The following MAST3 variants were observed in gnomAD, a reference collection of about 807,000 sequenced individuals.
MAST3 encodes the protein microtubule associated serine/threonine kinase 3, also known as microtubule-associated serine/threonine-protein kinase 3.
A neutral mutation model predicts 127.0 loss-of-function variants in MAST3; 43 were observed. That is an observed-to-expected ratio of 0.34 (90% confidence interval 0.27 to 0.44). The LOEUF (loss-of-function observed/expected upper bound fraction) is 0.44. Among genes scored for constraint, MAST3 ranks in the 20% least tolerant of loss-of-function variants. The pLI is 1.00. For synonymous variants in MAST3, 785 were observed against 809.2 expected, an observed-to-expected ratio of 0.97 and a Z score of 0.51; for missense variants, 1,390 against 1,919.1, an observed-to-expected ratio of 0.72 and a Z score of 5.15.
rs909723933 is a variant in MAST3 at position 18,149,541 on chromosome 19, G to A, written c.3859G>A (p.Val1287Met). The A allele has an allele frequency of 2.6e-6, 4 of 1,566,788 alleles. No individual in the cohort carries two copies. Among genetic ancestry groups the A allele is most frequent in the Admixed American group, 1.9e-5 (1 of 52,210 alleles). The change falls in exon 28 of 28, where the codon GTG becomes ATG. Residue 1287 changes from valine to methionine, a missense_variant. Around this residue, in one of 5 missense-constraint regions of MAST3, gnomAD observed 816 missense variants for 934.1 expected, o/e 0.87. Coordinates refer to ENST00000687212, the MANE Select transcript of MAST3 (RefSeq NM_001393504.1). The surrounding 1 kb of genome is among the most constrained non-coding windows in gnomAD (Gnocchi z 5.9). ...RRTRGPEAEL[V>M]VMRRLHLSER... ...CACTCGTGGGCCAGAGGCCGAGCTCGTGGTCATGCGGCGGCTGCACCTGTC... is the reference window on the plus strand; with the variant it reads ...CACTCGTGGGCCAGAGGCCGAGCTCATGGTCATGCGGCGGCTGCACCTGTC...
chr19:18,151,132 A>G lies in MAST3; in HGVS notation c.*1406A>G, dbSNP rs919315676. 11 of 152,276 alleles carry G rather than the reference A, an allele frequency of 7.2e-5. No homozygotes were observed. The highest frequency in any genetic ancestry group is 1.2e-4 in the Non-Finnish European group (8 of 68,052). 9.4% of individuals were successfully genotyped at this position (152,276 alleles called of 1,614,324 possible). A position where few individuals can be genotyped will look rare whatever the true frequency, so the allele number is the denominator to read the frequency against. On this transcript the variant is annotated 3_prime_UTR_variant, in exon 28 of 28. Coordinates refer to ENST00000687212, the MANE Select transcript of MAST3 (RefSeq NM_001393504.1). ...AGCCAGAAAACCCAGTCGAGGCTCA[A>G]GTTTGAATTTCAGCTTCACTGTGTG...
intron 1 of MAST3, among the ~76,000 whole-genome samples, chr19:18,101,736 CG>C (rs2037640417): frequency 6.6e-6 from 1 of 150,908 alleles, no homozygotes; most frequent in South Asian, 2.1e-4. Context: ...CTGCAGGCTC[CG>C]TCACCTGGAT....
At chr19:18,128,024 C>T (rs549615146) in intron 11 of MAST3, among the ~76,000 whole-genome samples, 7 of 152,290 alleles carry the variant, frequency 4.6e-5, no homozygotes, top group African/African-American at 1.7e-4. Context: ...GGGGCTGCCC[C>T]TCTGCCAAGG....
Position 18,146,943 on chromosome 19 carries a change from C to G in MAST3, c.3225C>G (p.Pro1075=). The G allele has an allele frequency of 4.5e-6, 7 of 1,559,132 alleles. No homozygotes were observed. Among genetic ancestry groups the G allele is most frequent in the Non-Finnish European group, 6.1e-6 (7 of 1,151,476 alleles). The change falls in exon 26 of 28, where the codon CCC becomes CCG. Residue 1075 remains proline (P), a synonymous_variant. Transcript: ENST00000687212. The stretch of plus-strand genomic sequence containing the variant: ...AGAACACCTCCATCAAGGTGGGCCC[C>G]GCCCGGAAGAATGTGGCCAAGGGCC... ...ALENTSIKVG[P]ARKNVAKGRM... is the part of the protein sequence containing the mutation.
At position 18,145,648 on chromosome 19, in the gene MAST3, C is replaced by T; in HGVS notation, c.3040-95C>T. 7 of 1,383,640 alleles carry T rather than the reference C, an allele frequency of 5.1e-6. No individual in the cohort carries two copies. In the South Asian group the frequency reaches 1.1e-4, roughly 21 times the overall value. 85.7% of individuals were successfully genotyped at this position (1,383,640 alleles called of 1,614,324 possible). A position where few individuals can be genotyped will look rare whatever the true frequency, so the allele number is the denominator to read the frequency against. ...GAAACTGAGACAGCACAAGAGGCAGCAGCTTGCTGGGGTCCCACAGCAGAC... is the reference window on the plus strand; with the variant it reads ...GAAACTGAGACAGCACAAGAGGCAGTAGCTTGCTGGGGTCCCACAGCAGAC... On this transcript the variant is annotated intron_variant, in intron 24 of 27. Transcript: ENST00000687212. This position sits in a 1 kb window ranked among gnomAD's most constrained non-coding sequence, Gnocchi z 5.9.
intron 6 of MAST3, 149 bp from the exon 7 acceptor site, chr19:18,123,068 T>G: frequency 1.2e-6 from 1 of 858,772 alleles, no homozygotes; most frequent in Non-Finnish European, 1.9e-6. Context: ...AGAGCTAGGG[T>G]TTTGAGGGAT....
rs377701443 is a variant in MAST3 at position 18,123,364 on chromosome 19, C to T, written c.547C>T (p.Arg183Cys). Residue 183 changes from arginine to cysteine, a missense_variant, in exon 7 of 28, where the codon CGC becomes TGC. Around this residue, in one of 5 missense-constraint regions of MAST3, gnomAD observed 277 missense variants for 384.8 expected, o/e 0.72. Coordinates refer to ENST00000687212, the MANE Select transcript of MAST3 (RefSeq NM_001393504.1). ...GRSPRLRPRS[R>C]SLSPGRATGT... ...GTCACCCCGCCTCCGACCCCGCTCT[C>T]GCAGTCTCAGGTGGGCCGCGACCTC... 1.4e-5 allele frequency: 23 copies of T among 1,611,894 alleles called. No individual in the cohort carries two copies. The highest frequency in any genetic ancestry group is 1.9e-5 in the Non-Finnish European group (22 of 1,179,516).
chr19:18,145,945 G>C lies in MAST3; in HGVS notation c.3162+80G>C. On this transcript the variant is annotated intron_variant, in intron 25 of 27. Coordinates refer to ENST00000687212, the MANE Select transcript of MAST3 (RefSeq NM_001393504.1). The surrounding 1 kb of genome is among the most constrained non-coding windows in gnomAD (Gnocchi z 5.9). ...CTCCCGGTTCCCCGTGGTTCTCCGC[G>C]TCCAGACACACAACCCCACATTCAA... 2.7e-6 allele frequency: 4 copies of C among 1,463,700 alleles called. No homozygotes were observed. In the South Asian group the frequency reaches 5.4e-5, roughly 20 times the overall value. The allele number at this position is 1,463,700 out of a possible 1,614,324, so 90.7% of individuals were successfully genotyped here.
intron 1 of MAST3, among the ~76,000 whole-genome samples, chr19:18,100,826 G>A (rs1599639905): frequency 6.6e-6 from 1 of 152,256 alleles, no homozygotes; most frequent in East Asian, 1.9e-4. Context: ...TCGCTGATGC[G>A]AGCCAATCAG....
At chr19:18,147,647 C>T (rs774703309) in intron 27 of MAST3, 23 bp downstream of exon 27, 3 of 1,486,544 alleles carry the variant, frequency 2.0e-6, no homozygotes, top group African/African-American at 2.8e-5. Flanking sequence ...CGACCCCCCA[C>T]CACCCCGGCT....
intron 3 of MAST3, chr19:18,117,960 G>GC (rs2039475033): frequency 8.8e-6 from 2 of 227,820 alleles, no homozygotes; most frequent in African/African-American, 4.7e-5. Context: ...GACAGGCCCC[G>GC]CCCCCAACGG....
At chr19:18,099,532 G>A (rs1385824137) in intron 1 of MAST3, among the ~76,000 whole-genome samples, 1 of 152,164 alleles carries the variant, frequency 6.6e-6, no homozygotes, top group African/African-American at 2.4e-5. Context: ...CTGATGGTAA[G>A]TTCTATGTTA....
chr19:18,140,445 C>G (rs1422958196), intron 20 of MAST3, among the ~76,000 whole-genome samples: 1 of 152,142 alleles, frequency 6.6e-6, no homozygotes, highest in Non-Finnish European at 1.5e-5. Flanking sequence ...TGTTGTGCAA[C>G]CATCACCTCT....
In MAST3 at chr19:18,130,603, C is replaced by T. The variant is rs2041170939; in HGVS notation, c.1333C>T (p.Arg445Cys). 1.9e-6 allele frequency: 3 copies of T among 1,613,742 alleles called. No homozygotes were observed. The highest frequency in any genetic ancestry group is 2.5e-6 in the Non-Finnish European group (3 of 1,179,864). ...RNQIQQVFVE[R>C]DILTFAENPF... ...CCAGATCCAGCAGGTCTTTGTGGAG[C>T]GTGACATTCTCACCTTTGCCGAGAA... Residue 445 changes from arginine (R) to cysteine (C), a missense_variant, in exon 14 of 28, where the codon CGT becomes TGT. By Grantham distance (180) the Arg-to-Cys change is radical. Coordinates refer to ENST00000687212, the MANE Select transcript of MAST3 (RefSeq NM_001393504.1).
intron 2 of MAST3, 114 bp downstream of exon 2, chr19:18,107,732 A>C: frequency 2.4e-3 from 2,698 of 1,116,128 alleles, no homozygotes; most frequent in Non-Finnish European, 3.2e-3. Flanking sequence ...AACACATCTC[A>C]TGTTCATTCT....
intron 1 of MAST3, among the ~76,000 whole-genome samples, chr19:18,107,252 C>T (rs1050716179): frequency 6.6e-6 from 1 of 152,170 alleles, no homozygotes; most frequent in African/African-American, 2.4e-5. Context: ...TGTGAGCCAC[C>T]GTGCCCAGCC....
chr19:18,127,528 A>G (rs2040795991), intron 11 of MAST3, among the ~76,000 whole-genome samples: 1 of 152,124 alleles, frequency 6.6e-6, no homozygotes, highest in Non-Finnish European at 1.5e-5. Context: ...TACTAAAAAT[A>G]CAAAAGTTAG....
chr19:18,148,396 A>G (rs190107376), intron 27 of MAST3, among the ~76,000 whole-genome samples: 34 of 152,244 alleles, frequency 2.2e-4, no homozygotes, highest in African/African-American at 7.7e-4. Context: ...CAGGAGGTCA[A>G]GGCTGCAGTG....
rs773608907 is a variant in MAST3, at chr19:18,134,721, C to T, written c.1704+10C>T. 6.2e-6 allele frequency: 10 copies of T among 1,612,898 alleles called. No individual in the cohort carries two copies. In the East Asian group the frequency reaches 2.0e-4, roughly 32 times the overall value. ...GTTCATCGACAAGCAGGTGGGCGGGCAGGTGGGTGGGCAGCCCCGGGATGC... is the reference window on the plus strand; with the variant it reads ...GTTCATCGACAAGCAGGTGGGCGGGTAGGTGGGTGGGCAGCCCCGGGATGC... On this transcript the variant is annotated intron_variant, in intron 16 of 27. Coordinates refer to ENST00000687212, the MANE Select transcript of MAST3 (RefSeq NM_001393504.1).
Sources: gnomAD v4.1 joint callset for allele counts (sites outside exome capture counted in the v4.1 genomes callset) on GRCh38, gnomAD v4.1.1 for gene constraint, gnomAD v4.1.1 regional missense constraint, Gnocchi (gnomAD v3.1) non-coding constraint, MANE v1.5 for transcripts, NCBI Gene and HGNC (gene_info 2026-07-23, HGNC 2026-07-21) for gene names.